USH1C: variants seen among roughly 807,000 people sequenced by gnomAD.
The protein encoded by USH1C is USH1 protein network component harmonin.
Under a neutral mutation model 119.3 loss-of-function variants are expected in USH1C, and 90 were observed. That is an observed-to-expected ratio of 0.75 (90% CI 0.64 to 0.90). USH1C has a LOEUF of 0.90. Among genes scored for constraint, USH1C ranks in the 40% least tolerant of loss-of-function variants. USH1C has a pLI of 0.00. For synonymous variants in USH1C, 465 were observed against 443.3 expected, an observed-to-expected ratio of 1.05 and a Z score of -0.62; for missense variants, 1,165 against 1,167.7, an observed-to-expected ratio of 1.00 and a Z score of 0.03.
chr11:17,495,930 T>G (rs1591952735), intron 25 of USH1C, among the ~76,000 whole-genome samples: 1 of 148,386 alleles, frequency 6.7e-6, no homozygotes, highest in South Asian at 2.2e-4. Context: ...GAGTGGTGGG[T>G]GGGTGAGGGC....
chr11:17,521,129 G>A, intron 13 of USH1C, 135 bp from the exon 14 acceptor site: 2 of 1,290,888 alleles, frequency 1.5e-6, no homozygotes, highest in South Asian at 2.4e-5. Context: ...AAGTCCCCGA[G>A]CTTGTATTCT....
At chr11:17,541,747 T>C (rs2133963841) in intron 1 of USH1C, among the ~76,000 whole-genome samples, 1 of 152,352 alleles carries the variant, frequency 6.6e-6, no homozygotes, top group East Asian at 1.9e-4. Context: ...AGGGAGTCGA[T>C]GCCTGGAGCC....
intron 1 of USH1C, among the ~76,000 whole-genome samples, chr11:17,535,119 C>A (rs956326719): frequency 2.6e-5 from 4 of 152,168 alleles, no homozygotes; most frequent in African/African-American, 9.7e-5. Context: ...ACTCTCCTAG[C>A]AGCAGGGGCG....
At chr11:17,518,163 G>A (rs1850241790) in intron 14 of USH1C, among the ~76,000 whole-genome samples, 1 of 152,198 alleles carries the variant, frequency 6.6e-6, no homozygotes, top group Admixed American at 6.5e-5. Flanking sequence ...CTTGCCCATT[G>A]GCCTATGCAA....
At chr11:17,534,873 C>CAAA (rs59152937) in intron 1 of USH1C, among the ~76,000 whole-genome samples, 3 of 120,682 alleles carry the variant, frequency 2.5e-5, no homozygotes, top group Admixed American at 8.7e-5. Context: ...GACTCCATCT[C>CAAA]AAAAAAAAAA....
chr11:17,507,736 A>G (rs922926304), intron 18 of USH1C, among the ~76,000 whole-genome samples: 2 of 152,244 alleles, frequency 1.3e-5, no homozygotes, highest in Non-Finnish European at 2.9e-5. Context: ...TGGCACAGCC[A>G]GGATTCAAAC....
intron 9 of USH1C, among the ~76,000 whole-genome samples, 195 bp from the exon 10 acceptor site, chr11:17,523,673 C>T (rs548728501): frequency 1.3e-5 from 2 of 152,328 alleles, no homozygotes; most frequent in East Asian, 3.9e-4. Context: ...CCCTGGCACT[C>T]CCCTACTTCA....
At chr11:17,504,873 G>A (rs1849589922) in intron 19 of USH1C, among the ~76,000 whole-genome samples, 176 bp from the exon 20 acceptor site, 1 of 152,202 alleles carries the variant, frequency 6.6e-6, no homozygotes, top group South Asian at 2.1e-4. Flanking sequence ...CCCAGTTGTT[G>A]TCAAGCAGAC....
intron 1 of USH1C, 36 bp from the exon 2 acceptor site, chr11:17,533,358 T>G (rs774104717): frequency 6.9e-7 from 1 of 1,444,960 alleles, no homozygotes. Context: ...AGCTCCAGGC[T>G]CAGCACCCGC....
chr11:17,535,639 C>T (rs1851205676), intron 1 of USH1C, among the ~76,000 whole-genome samples: 3 of 152,132 alleles, frequency 2.0e-5, no homozygotes, highest in Non-Finnish European at 4.4e-5. Flanking sequence ...ATCTGCCTGC[C>T]TCCTGGTATG....
At chr11:17,522,351 G>T (rs1171952379) in intron 12 of USH1C, among the ~76,000 whole-genome samples, 1 of 152,142 alleles carries the variant, frequency 6.6e-6, no homozygotes, top group Non-Finnish European at 1.5e-5. Context: ...GACACAAGTG[G>T]CTTCACCTCT....
intron 14 of USH1C, among the ~76,000 whole-genome samples, chr11:17,516,792 G>T (rs1000142490): frequency 6.6e-6 from 1 of 152,290 alleles, no homozygotes; most frequent in Middle Eastern, 3.4e-3. Context: ...CAAGTCCTCC[G>T]CTTTCAACAT....
At position 17,512,025 on chromosome 11, in the gene USH1C, A is replaced by C. The variant is rs1406224812; in HGVS notation, c.1290T>G (p.Tyr430Ter). The C allele has an allele frequency of 6.2e-7, 1 of 1,614,106 alleles. No homozygotes were observed. Among genetic ancestry groups the C allele is most frequent in the Non-Finnish European group, 8.5e-7 (1 of 1,180,046 alleles). Residue 430 changes from tyrosine (Y) to a stop codon, truncating the protein, a stop_gained, in exon 16 of 27, where the codon TAT becomes TAG. Transcript: ENST00000005226. LOFTEE classifies it high-confidence loss of function. The stretch of plus-strand genomic sequence containing the variant: ...TCTTTCTCAAGTCCTGCAGGCTGCC[A>C]TACTTGGCTTTCTTCTTATCTTTTC... ...KKGKDKKKAK[Y>*]GSLQDLRKNK...
rs370904833 is a variant in USH1C, at chr11:17,544,343, C to G, written c.-36G>C. The G allele has an allele frequency of 2.5e-6, 4 of 1,613,672 alleles. No individual in the cohort carries two copies. The highest frequency in any genetic ancestry group is 3.4e-6 in the Non-Finnish European group (4 of 1,179,886). On this transcript the variant is annotated 5_prime_UTR_variant, in exon 1 of 27. Transcript: ENST00000005226. ...GGTCCAGCTGCGTCGTTGCACGACC[C>G]GTTCCTTCGGGTGCCCGGCTGCCAG...
chr11:17,531,356 A>T lies in USH1C; in HGVS notation c.248+43T>A, dbSNP rs1331897401. The stretch of plus-strand genomic sequence containing the variant: ...TGCCAGCACTGCCCCGCCCAGGGTG[A>T]TCTCTCCACCCCCTGCCTCCAGCCT... On this transcript the variant is annotated intron_variant, in intron 3 of 26. Transcript: ENST00000005226. The surrounding 1 kb of genome is among the most constrained non-coding windows in gnomAD (Gnocchi z 4.2). The T allele has an allele frequency of 6.2e-7, 1 of 1,613,782 alleles. No homozygotes were observed. Among genetic ancestry groups the T allele is most frequent in the Admixed American group, 1.7e-5 (1 of 59,998 alleles).
Position 17,501,044 on chromosome 11 carries a change from C to A in USH1C, c.2380+7G>T. 2.5e-6 allele frequency: 4 copies of A among 1,611,782 alleles called. No homozygotes were observed. Among genetic ancestry groups the A allele is most frequent in the Non-Finnish European group, 3.4e-6 (4 of 1,178,622 alleles). On this transcript the variant is annotated splice_region_variant and intron_variant, in intron 23 of 26. Coordinates refer to ENST00000005226, the MANE Select transcript of USH1C (RefSeq NM_153676.4). ...CCCAAACCTGGGTGTGGCTAGTCTC[C>A]ACTCACCATGCCGCTCAGCAGCTCC...
intron 25 of USH1C, 97 bp from the exon 26 acceptor site, chr11:17,495,774 G>C (rs906664236): frequency 3.7e-6 from 5 of 1,335,454 alleles, no homozygotes; most frequent in Non-Finnish European, 5.4e-6. Context: ...TCCTGCCTCG[G>C]GTTCTGCCTA....
chr11:17,533,742 T>C (rs1443102158), intron 1 of USH1C: 1 of 464,470 alleles, frequency 2.2e-6, no homozygotes, highest in African/African-American at 2.0e-5. Context: ...TAGTGCCGGA[T>C]AAATGCTTTC....
At chr11:17,506,767 T>A (rs1849665729) in intron 18 of USH1C, among the ~76,000 whole-genome samples, 1 of 152,190 alleles carries the variant, frequency 6.6e-6, no homozygotes, top group South Asian at 2.1e-4. Context: ...TTTCCTCTAC[T>A]CCAGCCCTCT....
Sources: gnomAD v4.1 joint callset for allele counts (sites outside exome capture counted in the v4.1 genomes callset) on GRCh38, gnomAD v4.1.1 for gene constraint, Gnocchi (gnomAD v3.1) non-coding constraint, MANE v1.5 for transcripts, NCBI Gene and HGNC (gene_info 2026-07-23, HGNC 2026-07-21) for gene names.